Variants in NUP37 observed in about 807,000 individuals in gnomAD.
NUP37 encodes nucleoporin Nup37.
Under a neutral mutation model 45.4 loss-of-function variants are expected in NUP37, and 33 were observed. That is an observed-to-expected ratio of 0.73 (90% CI 0.55 to 0.97). NUP37 has a LOEUF of 0.97. Among genes scored for constraint, NUP37 ranks in the 50% least tolerant of loss-of-function variants. NUP37 has a pLI of 0.00. For missense variants in NUP37, 365 were observed against 389.7 expected (o/e 0.94, Z 0.53); for synonymous variants, 127 against 130.7 (o/e 0.97, Z 0.19).
intron 5 of NUP37, among the ~76,000 whole-genome samples, chr12:102,086,899 T>C (rs58927483): frequency 2.0e-5 from 3 of 152,042 alleles, no homozygotes; most frequent in Non-Finnish European, 4.4e-5. Flanking sequence ...GCCTGGCAAA[T>C]ACAGTGAAAC....
intron 5 of NUP37, among the ~76,000 whole-genome samples, chr12:102,089,914 G>C (rs150946077): frequency 6.6e-6 from 1 of 152,058 alleles, no homozygotes; most frequent in Non-Finnish European, 1.5e-5. Context: ...GCTGTAAGCC[G>C]TCTTGCATAT....
At chr12:102,085,926 G>T in intron 5 of NUP37, 70 bp from the exon 6 acceptor site, 1 of 711,538 alleles carries the variant, frequency 1.4e-6, no homozygotes, top group South Asian at 2.0e-5. Flanking sequence ...AAATTTCCAT[G>T]AATTTATTCA....
intron 5 of NUP37, among the ~76,000 whole-genome samples, chr12:102,088,687 TTTTG>T (rs1357774021): frequency 2.0e-5 from 3 of 148,794 alleles, no homozygotes; most frequent in African/African-American, 7.6e-5. Context: ...TGTAATTTGT[TTTTG>T]TTTTTGTTTT....
chr12:102,109,003 GAATA>G (rs1449721808), intron 3 of NUP37, among the ~76,000 whole-genome samples: 1 of 152,124 alleles, frequency 6.6e-6, no homozygotes, highest in East Asian at 1.9e-4. Context: ...AGTAATCAAA[GAATA>G]CTTACTTAAA....
At chr12:102,112,845 A>G (rs886873754) in intron 2 of NUP37, among the ~76,000 whole-genome samples, 22 of 152,236 alleles carry the variant, frequency 1.4e-4, no homozygotes, top group African/African-American at 3.4e-4. Flanking sequence ...ATGTGGCATT[A>G]TATGTGTGTA....
At chr12:102,117,708 A>G (rs188563542) in intron 2 of NUP37, among the ~76,000 whole-genome samples, 2 of 80,166 alleles carry the variant, frequency 2.5e-5, no homozygotes, top group African/African-American at 1.0e-4. Flanking sequence ...TATTTAGTAT[A>G]TTTACATATA....
Position 102,073,634 on chromosome 12 carries a change from C to CAT in NUP37, c.*718_*719dup, listed in dbSNP as rs1349905820. ...TTACATTAAATTGAGTACACATACA[C>CAT]ATATATATACTCAACAACCACTTCC... On this transcript the variant is annotated 3_prime_UTR_variant, in exon 10 of 10. Coordinates refer to ENST00000552283, the MANE Select transcript of NUP37 (RefSeq NM_024057.4). 2.6e-5 allele frequency: 4 copies of CAT among 152,180 alleles called. No individual in the cohort carries two copies. The highest frequency in any genetic ancestry group is 2.1e-4 in the South Asian group (1 of 4,826). 9.4% of individuals were successfully genotyped at this position (152,180 alleles called of 1,614,324 possible).
rs766178358 is a variant in NUP37 at position 102,074,481 on chromosome 12, G to C, written c.868-14C>G. The C allele has an allele frequency of 1.3e-6, 2 of 1,513,758 alleles. No homozygotes were observed. The highest frequency in any genetic ancestry group is 1.8e-6 in the Non-Finnish European group (2 of 1,106,426). The allele number at this position is 1,513,758 out of a possible 1,614,324, so 93.8% of individuals were successfully genotyped here. A position where few individuals can be genotyped will look rare whatever the true frequency, so the allele number is the denominator to read the frequency against. On this transcript the variant is annotated splice_polypyrimidine_tract_variant and intron_variant, in intron 9 of 9. Transcript: ENST00000552283. The stretch of plus-strand genomic sequence containing the variant: ...CATGAGGATGGGCTATAAAATATGT[G>C]AAGAATTAAAGAAGCACAGTAAGTC...
At chr12:102,118,684 C>A in intron 1 of NUP37, 101 bp from the exon 2 acceptor site, 1 of 563,982 alleles carries the variant, frequency 1.8e-6, no homozygotes, top group Non-Finnish European at 3.0e-6. Flanking sequence ...ACAGAAAGCT[C>A]AAAAGAAACA....
rs1879905022 is a variant in NUP37 at position 102,099,292 on chromosome 12, G to A, written c.355-92C>T. The A allele has an allele frequency of 2.0e-5, 16 of 799,196 alleles. No homozygotes were observed. In the South Asian group the frequency reaches 2.4e-4, roughly 12 times the overall value. 49.5% of individuals were successfully genotyped at this position (799,196 alleles called of 1,614,324 possible). ...ATATTTTTGCTTCACTGCCTTAAAA[G>A]CTTTCACTGCCTGTTTTTCTATAAA... On this transcript the variant is annotated intron_variant, in intron 4 of 9. Coordinates refer to ENST00000552283, the MANE Select transcript of NUP37 (RefSeq NM_024057.4).
intron 5 of NUP37, among the ~76,000 whole-genome samples, chr12:102,089,228 G>T (rs1772017883): frequency 3.3e-5 from 5 of 150,092 alleles, no homozygotes; most frequent in Admixed American, 3.3e-4. Context: ...TGTCTCTTCG[G>T]AGCTGTTGGG....
chr12:102,112,267 G>A, intron 2 of NUP37, 35 bp from the exon 3 acceptor site: 1 of 1,539,166 alleles, frequency 6.5e-7, no homozygotes, highest in East Asian at 2.3e-5. Flanking sequence ...AATAAGTAAT[G>A]AGAACAAACA....
At position 102,118,486 on chromosome 12, in the gene NUP37, G is replaced by A; in HGVS notation, c.33C>T (p.Tyr11=). 1.2e-6 allele frequency: 2 copies of A among 1,611,522 alleles called. No homozygotes were observed. Among genetic ancestry groups the A allele is most frequent in the Non-Finnish European group, 1.7e-6 (2 of 1,179,516 alleles). Residue 11 remains tyrosine (Y), a synonymous_variant, in exon 2 of 10, where the codon TAC becomes TAT. Transcript: ENST00000552283. ...GCACATAATCTTCACAATCCACAGT[G>A]TAGGCAGCATTTCTTGAGGCATCTT... MKQDASRNAA[Y]TVDCEDYVHV...
intron 4 of NUP37, 42 bp downstream of exon 4, chr12:102,100,990 T>C (rs1335092605): frequency 3.2e-6 from 4 of 1,257,060 alleles, no homozygotes; most frequent in Non-Finnish European, 4.4e-6. Flanking sequence ...AACAAACACG[T>C]TTTAAAATAA....
chr12:102,078,870 T>A (rs1264177745), intron 6 of NUP37, among the ~76,000 whole-genome samples: 1 of 152,224 alleles, frequency 6.6e-6, no homozygotes, highest in East Asian at 1.9e-4. Flanking sequence ...AAATTAATTA[T>A]AATATAAATT....
chr12:102,108,768 A>C (rs1178900521), intron 3 of NUP37, among the ~76,000 whole-genome samples: 1 of 152,200 alleles, frequency 6.6e-6, no homozygotes, highest in Non-Finnish European at 1.5e-5. Flanking sequence ...AACTCTAGAC[A>C]AATTTGCCAC....
chr12:102,083,777 T>C (rs919411773), intron 6 of NUP37, among the ~76,000 whole-genome samples: 1 of 152,130 alleles, frequency 6.6e-6, no homozygotes, highest in African/African-American at 2.4e-5. Flanking sequence ...ACTCAGATAA[T>C]GCGGCTTTAA....
intron 3 of NUP37, among the ~76,000 whole-genome samples, chr12:102,108,666 A>T (rs1334170207): frequency 3.3e-5 from 5 of 152,198 alleles, no homozygotes; most frequent in Non-Finnish European, 5.9e-5. Flanking sequence ...GGGTAAGAAA[A>T]ACTGTAAAAC....
chr12:102,092,490 A>T (rs989350951), intron 5 of NUP37, among the ~76,000 whole-genome samples: 1 of 152,222 alleles, frequency 6.6e-6, no homozygotes, highest in Non-Finnish European at 1.5e-5. Flanking sequence ...TGAGCTTGTG[A>T]GAGCAAAACT....
Sources: gnomAD v4.1 joint callset for allele counts (sites outside exome capture counted in the v4.1 genomes callset) on GRCh38, gnomAD v4.1.1 for gene constraint, MANE v1.5 for transcripts, NCBI Gene and HGNC (gene_info 2026-07-23, HGNC 2026-07-21) for gene names.